ZNF536: variants seen among roughly 807,000 people sequenced by gnomAD.
ZNF536 encodes the protein zinc finger protein 536.
In ZNF536, 13 loss-of-function variants were observed where a neutral mutation model predicts 84.5. That is an observed-to-expected ratio of 0.15 (90% CI 0.10 to 0.24). The LOEUF (loss-of-function observed/expected upper bound fraction) is 0.24. Ranked by LOEUF, ZNF536 falls within the 10% of genes least tolerant of loss-of-function variation. The pLI, the probability that ZNF536 is intolerant of heterozygous loss-of-function variation, is 1.00. For synonymous variants in ZNF536, 811 were observed against 742.5 expected, an observed-to-expected ratio of 1.09 and a Z score of -1.50; for missense variants, 1,536 against 1,747.5, an observed-to-expected ratio of 0.88 and a Z score of 2.16.
At chr19:30,491,604 A>G (rs566119909) in intron 2 of ZNF536, among the ~76,000 whole-genome samples, 6 of 152,256 alleles carry the variant, frequency 3.9e-5, no homozygotes, top group African/African-American at 7.2e-5. Context: ...TTTTCCCTCA[A>G]ATGGATTTTT....
chr19:30,380,213 C>T (rs1010052758), intron 1 of ZNF536, among the ~76,000 whole-genome samples: 1 of 152,120 alleles, frequency 6.6e-6, no homozygotes, highest in African/African-American at 2.4e-5. Context: ...CAGCCGTCAG[C>T]CTTTTGTCCC....
intron 1 of ZNF536, among the ~76,000 whole-genome samples, chr19:30,416,763 A>G (rs1279899428): frequency 6.6e-6 from 1 of 151,974 alleles, no homozygotes; most frequent in Non-Finnish European, 1.5e-5. Flanking sequence ...CCCTGTCCTC[A>G]CTCTAGAACA....
At chr19:30,397,428 C>T (rs768140501) in intron 1 of ZNF536, among the ~76,000 whole-genome samples, 16 of 152,174 alleles carry the variant, frequency 1.1e-4, no homozygotes, top group African/African-American at 7.2e-5. Context: ...GATGTATCAA[C>T]GTTAGTTTCC....
chr19:30,331,352 A>G (rs951841883), intron 2 of ZNF536, among the ~76,000 whole-genome samples: 1 of 148,296 alleles, frequency 6.7e-6, no homozygotes, highest in Non-Finnish European at 1.5e-5. Flanking sequence ...ACAGATGACC[A>G]TTTCTTACTA....
intron 1 of ZNF536, among the ~76,000 whole-genome samples, chr19:30,436,973 A>G (rs1417141329): frequency 6.6e-6 from 1 of 152,254 alleles, no homozygotes; most frequent in Non-Finnish European, 1.5e-5. Flanking sequence ...ACGTCGATGA[A>G]AAAGGGAATA....
chr19:30,272,900 C>A lies in ZNF536; in HGVS notation c.-189-11172C>A, dbSNP rs145417945. Among the ~76,000 whole-genome samples, 59 of 152,028 alleles carry A rather than the reference C, an allele frequency of 3.9e-4. 1 individual carries two copies. Among genetic ancestry groups the A allele is most frequent in the Admixed American group, 2.6e-4 (4 of 15,252 alleles). The stretch of plus-strand genomic sequence containing the variant: ...AAACATTCTGCTATAAACATTCATG[C>A]GCATTTTTTTTTAAATTTTTTACTT... On this transcript the variant is annotated intron_variant, in intron 1 of 5. Transcript: ENST00000585628.
In ZNF536 at chr19:30,446,273, A is replaced by T. The variant is rs78673736; in HGVS notation, c.2170+541A>T. On this transcript the variant is annotated intron_variant, in intron 2 of 4. Coordinates refer to ENST00000355537, the MANE Select transcript of ZNF536 (RefSeq NM_014717.3). ...CAAAAAAAAAAAAAAAAAAAAAAAA[A>T]AGAAAGAAAGAAAGAAAGAAAAAAG... Among the ~76,000 whole-genome samples, 696 of 138,026 alleles carry T rather than the reference A, an allele frequency of 5.0e-3. 5 individuals are homozygous for T. The highest frequency in any genetic ancestry group is 6.8e-3 in the Non-Finnish European group (431 of 63,196). The allele number at this position is 138,026 out of a possible 152,430, so 90.6% of individuals were successfully genotyped here.
At chr19:30,574,935 C>T (rs2146595162) in intron 1 of ZNF536, among the ~76,000 whole-genome samples, 1 of 152,220 alleles carries the variant, frequency 6.6e-6, no homozygotes, top group South Asian at 2.1e-4. Context: ...TGCAGCCATG[C>T]ATCGGAAAGT....
intron 1 of ZNF536, among the ~76,000 whole-genome samples, chr19:30,650,295 G>A (rs1456984957): frequency 6.6e-6 from 1 of 152,216 alleles, no homozygotes; most frequent in African/African-American, 2.4e-5. Flanking sequence ...CCGTTTGAAA[G>A]TAAGAGTAGT....
chr19:30,412,778 C>G (rs1007798300), intron 1 of ZNF536, among the ~76,000 whole-genome samples: 1 of 151,736 alleles, frequency 6.6e-6, no homozygotes, highest in Non-Finnish European at 1.5e-5. Context: ...AACTTTCTAT[C>G]TTTTCTGTGT....
At chr19:30,380,863 A>G (rs11084548) in intron 1 of ZNF536, among the ~76,000 whole-genome samples, 53,717 of 151,950 alleles carry the variant, frequency 0.35, 9,951 homozygotes, top group Middle Eastern at 0.55. Flanking sequence ...CTAAATTTAT[A>G]TATTGTTACA....
At chr19:30,693,608 C>G (rs2051517959) in intron 1 of ZNF536, among the ~76,000 whole-genome samples, 1 of 151,986 alleles carries the variant, frequency 6.6e-6, no homozygotes, top group African/African-American at 2.4e-5. Flanking sequence ...AAAGACACCT[C>G]TCTTCTGTGT....
intron 1 of ZNF536, among the ~76,000 whole-genome samples, chr19:30,625,903 T>TA (rs372670062): frequency 2.4e-4 from 37 of 151,562 alleles, no homozygotes; most frequent in African/African-American, 6.5e-4. Flanking sequence ...CATCCTTGAT[T>TA]AAAAAAAAAT....
At chr19:30,391,418 TA>T (rs1382455535) in intron 1 of ZNF536, among the ~76,000 whole-genome samples, 3 of 152,062 alleles carry the variant, frequency 2.0e-5, no homozygotes, top group Admixed American at 2.0e-4. Context: ...CTCTACTAAA[TA>T]CAAAAAAATA....
In ZNF536 at chr19:30,487,389, GAAA is replaced by G. The variant is rs1404630269; in HGVS notation, c.2170+41658_2170+41660del. 1.8e-4 allele frequency among the ~76,000 whole-genome samples: 28 copies of G among 152,170 alleles called. No individual in the cohort carries two copies. In the South Asian group the frequency reaches 4.4e-3, roughly 24 times the overall value. On this transcript the variant is annotated intron_variant, in intron 2 of 4. Transcript: ENST00000355537. Reference sequence around the variant, plus strand: ...GGAGTGTGCACAAGAACAAAAGAAGGAAACACAACTGAATGTGGACCAGGGGCC... The same window carrying G: ...GGAGTGTGCACAAGAACAAAAGAAGGCACAACTGAATGTGGACCAGGGGCC...
intron 3 of ZNF536, among the ~76,000 whole-genome samples, chr19:30,544,535 G>T (rs540863983): frequency 2.4e-4 from 36 of 152,294 alleles, no homozygotes; most frequent in African/African-American, 8.4e-4. Context: ...CGCATGCTGT[G>T]TGTGAGTGTG....
intron 1 of ZNF536, among the ~76,000 whole-genome samples, chr19:30,574,646 G>A (rs1482377295): frequency 1.3e-5 from 2 of 152,196 alleles, no homozygotes; most frequent in Non-Finnish European, 2.9e-5. Context: ...GAGCTTGCAT[G>A]CTCACTTAGC....
intron 1 of ZNF536, among the ~76,000 whole-genome samples, chr19:30,687,357 A>G (rs2051230863): frequency 6.6e-6 from 1 of 152,062 alleles, no homozygotes; most frequent in Admixed American, 6.6e-5. Context: ...TCGAGCTCTC[A>G]CTCTACTGGG....
At chr19:30,226,842 G>GCTT (rs992761417), upstream of ZNF536, among the ~76,000 whole-genome samples, 5 of 151,960 alleles carry the variant, frequency 3.3e-5, no homozygotes, top group African/African-American at 1.2e-4. This position sits in a 1 kb window ranked among gnomAD's most constrained non-coding sequence, Gnocchi z 4.6. Flanking sequence ...CTGGGGGGAC[G>GCTT]CCTCCCGTCC....
Sources: allele counts gnomAD v4.1 joint callset (sites outside exome capture counted in the v4.1 genomes callset), GRCh38; gene constraint gnomAD v4.1.1; non-coding constraint Gnocchi (gnomAD v3.1); transcripts MANE v1.5; gene names NCBI Gene and HGNC (gene_info 2026-07-23, HGNC 2026-07-21).